The following DTNA variants were observed in gnomAD, a reference collection of about 807,000 sequenced individuals.
The protein encoded by DTNA is dystrophin-related protein 3.
A neutral mutation model predicts 100.7 loss-of-function variants in DTNA; 43 were observed. The ratio of observed to expected loss-of-function variants is 0.43; its 90% confidence interval spans 0.33 to 0.55. The LOEUF is 0.55. Among genes scored for constraint, DTNA ranks in the 20% least tolerant of loss-of-function variants. The pLI is 0.04. For synonymous variants in DTNA, 349 were observed against 347.9 expected (o/e 1.00, Z -0.04); for missense variants, 798 against 953.9 (o/e 0.84, Z 2.15).
At chr18:34,790,720 G>A (rs1345251521) in intron 3 of DTNA, among the ~76,000 whole-genome samples, 4 of 151,908 alleles carry the variant, frequency 2.6e-5, no homozygotes, top group Non-Finnish European at 5.9e-5. Context: ...CAAGTGATAT[G>A]TCAAATTACG....
intron 1 of DTNA, among the ~76,000 whole-genome samples, chr18:34,739,250 T>C (rs763327687): frequency 7.9e-5 from 12 of 152,196 alleles, no homozygotes; most frequent in South Asian, 2.1e-4. Context: ...AAAATAATTA[T>C]CATTTTCTTT....
intron 1 of DTNA, among the ~76,000 whole-genome samples, chr18:34,753,357 A>ATT (rs869151386): frequency 5.0e-4 from 1 of 2,018 alleles, no homozygotes; most frequent in African/African-American, 1.0e-3. Flanking sequence ...TTATTTATTT[A>ATT]TTTATTTTAT....
At chr18:34,782,814 G>C (rs1388230157) in intron 3 of DTNA, among the ~76,000 whole-genome samples, 3 of 152,200 alleles carry the variant, frequency 2.0e-5, no homozygotes, top group Non-Finnish European at 1.5e-5. Flanking sequence ...TTACTCAATA[G>C]GCAATGGAGA....
At chr18:34,596,854 G>C (rs1275403790) in intron 1 of DTNA, among the ~76,000 whole-genome samples, 1 of 152,110 alleles carries the variant, frequency 6.6e-6, no homozygotes, top group African/African-American at 2.4e-5. Flanking sequence ...CCACCTAACA[G>C]TTCTTTTTTT....
At chr18:34,552,296 AC>A (rs1156256119) in intron 1 of DTNA, among the ~76,000 whole-genome samples, 3 of 152,216 alleles carry the variant, frequency 2.0e-5, no homozygotes, top group African/African-American at 7.2e-5. Flanking sequence ...ATAAAGAAAT[AC>A]AAAAAAAGCC....
chr18:34,558,856 G>T (rs1022178369), intron 1 of DTNA, among the ~76,000 whole-genome samples: 1 of 152,200 alleles, frequency 6.6e-6, no homozygotes, highest in East Asian at 1.9e-4. Flanking sequence ...CTGGAGCTTA[G>T]GGAAGGAGGA....
intron 1 of DTNA, among the ~76,000 whole-genome samples, chr18:34,542,670 G>GA (rs35532444): frequency 1.2e-3 from 178 of 143,624 alleles, no homozygotes; most frequent in South Asian, 3.8e-3. Context: ...TCTGTTCTGT[G>GA]AAAAAAAAAA....
At chr18:34,757,468 A>C (rs758588610) in intron 2 of DTNA, among the ~76,000 whole-genome samples, 1 of 152,212 alleles carries the variant, frequency 6.6e-6, no homozygotes, top group Non-Finnish European at 1.5e-5. Context: ...TCTGGGGAAA[A>C]ATATTTGAAC....
chr18:34,640,860 T>G lies in DTNA; in HGVS notation c.-1-115116T>G, dbSNP rs909397147. ...AAAGCAAAGGTTTGTTTTTTTCTTA[T>G]GGCCTTCTAGCTGCTTTTCATTGCA... On this transcript the variant is annotated intron_variant, in intron 1 of 19. Coordinates refer to the DTNA transcript ENST00000283365. Among the ~76,000 whole-genome samples the G allele has an allele frequency of 2.6e-5, 4 of 152,344 alleles. No homozygotes were observed. In the East Asian group the frequency reaches 5.8e-4, roughly 22 times the overall value.
At chr18:34,793,019 T>C (rs1217145591) in intron 3 of DTNA, among the ~76,000 whole-genome samples, 1 of 152,018 alleles carries the variant, frequency 6.6e-6, no homozygotes, top group Non-Finnish European at 1.5e-5. Flanking sequence ...TACTCAGCAA[T>C]AAAAAAGAGA....
chr18:34,816,183 A>G (rs1007022887), intron 7 of DTNA, among the ~76,000 whole-genome samples, 169 bp downstream of exon 7: 3 of 152,156 alleles, frequency 2.0e-5, no homozygotes, highest in African/African-American at 4.8e-5. Flanking sequence ...GCCTTAAAGG[A>G]CCACTGAAAA....
intron 15 of DTNA, among the ~76,000 whole-genome samples, chr18:34,853,764 C>A (rs79022817): frequency 2.2e-4 from 34 of 151,380 alleles, no homozygotes; most frequent in African/African-American, 8.3e-4. Context: ...TGCATAGTGA[C>A]GAATTATAAA....
chr18:34,867,277 TA>T (rs1044620813), intron 17 of DTNA: 2 of 1,231,232 alleles, frequency 1.6e-6, no homozygotes, highest in Non-Finnish European at 2.0e-6. Flanking sequence ...CCATGGTCTG[TA>T]AAAAAGGAAA....
At chr18:34,845,672 G>A (rs767000642) in intron 13 of DTNA, among the ~76,000 whole-genome samples, 18 of 152,078 alleles carry the variant, frequency 1.2e-4, no homozygotes, top group Non-Finnish European at 2.5e-4. Flanking sequence ...GTTTGACGTC[G>A]AAAGAAAAGA....
At chr18:34,758,103 C>T (rs903594191) in intron 2 of DTNA, among the ~76,000 whole-genome samples, 7 of 152,158 alleles carry the variant, frequency 4.6e-5, no homozygotes, top group Admixed American at 1.3e-4. Flanking sequence ...AATATCACTG[C>T]GAATGTGTTA....
intron 1 of DTNA, among the ~76,000 whole-genome samples, chr18:34,542,108 T>C (rs2044301594): frequency 6.6e-6 from 1 of 152,022 alleles, no homozygotes; most frequent in Non-Finnish European, 1.5e-5. Flanking sequence ...CTGGGAAAGG[T>C]TGGGGGAGAG....
intron 1 of DTNA, among the ~76,000 whole-genome samples, chr18:34,528,335 C>G (rs1327157670): frequency 2.6e-5 from 4 of 152,082 alleles, no homozygotes; most frequent in Non-Finnish European, 2.9e-5. Flanking sequence ...ATTGTCACCT[C>G]AGCTGGTAGT....
intron 1 of DTNA, among the ~76,000 whole-genome samples, chr18:34,689,371 C>T (rs1287739559): frequency 6.6e-6 from 1 of 152,010 alleles, no homozygotes; most frequent in Admixed American, 6.5e-5. Flanking sequence ...CTATTGCTTT[C>T]TGATTGTTTT....
intron 1 of DTNA, among the ~76,000 whole-genome samples, chr18:34,504,383 C>A (rs2040275564): frequency 6.6e-6 from 1 of 152,156 alleles, no homozygotes; most frequent in African/African-American, 2.4e-5. Context: ...CTTCAACAAG[C>A]AAAGAAGGAA....
Sources: gnomAD v4.1 joint callset for allele counts (sites outside exome capture counted in the v4.1 genomes callset) on GRCh38, gnomAD v4.1.1 for gene constraint, MANE v1.5 for transcripts, NCBI Gene and HGNC (gene_info 2026-07-23, HGNC 2026-07-21) for gene names.